FRAS1: variants seen among roughly 807,000 people sequenced by gnomAD.
FRAS1 encodes Fraser extracellular matrix complex subunit 1.
A neutral mutation model predicts 435.2 loss-of-function variants in FRAS1; 290 were observed. The observed-to-expected ratio is 0.67, with a 90% CI of 0.61 to 0.73. The LOEUF (loss-of-function observed/expected upper bound fraction) is 0.73, where lower values mean the gene tolerates loss of function less well. Among genes scored for constraint, FRAS1 ranks in the 30% least tolerant of loss-of-function variants. The pLI is 0.00. For missense variants in FRAS1, 4,860 were observed against 5,001.5 expected (o/e 0.97, Z 0.85); for synonymous variants, 1,800 against 1,851.0 (o/e 0.97, Z 0.71).
intron 2 of FRAS1, among the ~76,000 whole-genome samples, chr4:78,125,978 G>C (rs959405632): frequency 3.9e-5 from 6 of 152,172 alleles, no homozygotes; most frequent in African/African-American, 9.7e-5. Context: ...GATATGCCCT[G>C]CCCCCAGAGG....
intron 2 of FRAS1, among the ~76,000 whole-genome samples, chr4:78,193,480 G>T (rs1722647421): frequency 6.6e-6 from 1 of 152,172 alleles, no homozygotes; most frequent in Non-Finnish European, 1.5e-5. Context: ...ATATATTTAG[G>T]ATAATTAGCT....
intron 43 of FRAS1, among the ~76,000 whole-genome samples, chr4:78,447,288 T>TA (rs3086830): frequency 0.014 from 1,517 of 108,992 alleles, 43 homozygotes; most frequent in African/African-American, 0.04. Flanking sequence ...GTTCCTTTTG[T>TA]AAAAAAAAAA....
chr4:78,302,758 T>G (rs544701059), intron 14 of FRAS1, among the ~76,000 whole-genome samples: 5 of 152,210 alleles, frequency 3.3e-5, no homozygotes, highest in Non-Finnish European at 7.3e-5. Flanking sequence ...TGGATATTAG[T>G]CCTTTGTCAG....
rs188058683 is a variant in FRAS1, at chr4:78,194,212, C to T, written c.109-43298C>T. Among the ~76,000 whole-genome samples the T allele has an allele frequency of 8.8e-3, 1,334 of 152,288 alleles. 18 individuals are homozygous for T. The highest frequency in any genetic ancestry group is 0.03 in the African/African-American group (1,231 of 41,546). On this transcript the variant is annotated intron_variant, in intron 2 of 73. Transcript: ENST00000512123. ...CTCTGGCTGCCCTTAAGATTTTTTCCTTCATTTCAACTTTGGTGAATCTGA... is the reference window on the plus strand; with the variant it reads ...CTCTGGCTGCCCTTAAGATTTTTTCTTTCATTTCAACTTTGGTGAATCTGA...
intron 2 of FRAS1, among the ~76,000 whole-genome samples, chr4:78,227,351 A>G (rs1724317872): frequency 6.6e-6 from 1 of 152,226 alleles, no homozygotes; most frequent in Admixed American, 6.5e-5. Flanking sequence ...ACCCCTATTC[A>G]TTAAATGCTA....
At chr4:78,337,377 A>T (rs1274039864) in intron 19 of FRAS1, among the ~76,000 whole-genome samples, 5 of 151,966 alleles carry the variant, frequency 3.3e-5, no homozygotes, top group African/African-American at 1.2e-4. Context: ...TATGATTTGA[A>T]CTTCCTTACT....
intron 2 of FRAS1, chr4:78,181,862 T>C (rs1348915097): frequency 1.2e-6 from 2 of 1,611,974 alleles, no homozygotes; most frequent in African/African-American, 1.3e-5. Flanking sequence ...CGCGTTGGAG[T>C]TGGTCTGGGC....
intron 3 of FRAS1, among the ~76,000 whole-genome samples, chr4:78,242,659 C>A (rs1725056410): frequency 6.6e-6 from 1 of 152,244 alleles, no homozygotes; most frequent in African/African-American, 2.4e-5. Context: ...TGGTCTCTAA[C>A]TCCTGACCTC....
At chr4:78,521,439 G>T in intron 67 of FRAS1, 84 bp from the exon 68 acceptor site, 1 of 779,260 alleles carries the variant, frequency 1.3e-6, no homozygotes, top group South Asian at 1.6e-5. Context: ...ATACTTGGAG[G>T]TGTCCTTGGG....
chr4:78,430,950 A>T (rs1022307794), intron 37 of FRAS1, among the ~76,000 whole-genome samples: 1 of 152,242 alleles, frequency 6.6e-6, no homozygotes, highest in Non-Finnish European at 1.5e-5. Flanking sequence ...TGATTATAAA[A>T]AATAATATAT....
intron 2 of FRAS1, among the ~76,000 whole-genome samples, chr4:78,189,417 C>T (rs1441673345): frequency 6.6e-6 from 1 of 152,188 alleles, no homozygotes; most frequent in African/African-American, 2.4e-5. Context: ...TTTCGTTGAA[C>T]TTCCCTGTGT....
At chr4:78,216,633 AC>A (rs1723780536) in intron 2 of FRAS1, among the ~76,000 whole-genome samples, 1 of 152,182 alleles carries the variant, frequency 6.6e-6, no homozygotes, top group African/African-American at 2.4e-5. Context: ...TCAGCAGTAA[AC>A]CGTTCTTACT....
intron 41 of FRAS1, among the ~76,000 whole-genome samples, chr4:78,443,322 C>T (rs1269848056): frequency 1.3e-5 from 2 of 152,196 alleles, no homozygotes; most frequent in Admixed American, 1.3e-4. Context: ...TATGCCACTG[C>T]ACTCCAGCCT....
chr4:78,266,996 C>G, intron 8 of FRAS1, 61 bp downstream of exon 8: 1 of 1,202,320 alleles, frequency 8.3e-7, no homozygotes, highest in Non-Finnish European at 1.2e-6. Context: ...AAGGAATGCA[C>G]TTCTTATTCC....
chr4:78,470,986 C>G (rs1434901831), intron 51 of FRAS1, among the ~76,000 whole-genome samples: 1 of 152,118 alleles, frequency 6.6e-6, no homozygotes, highest in Non-Finnish European at 1.5e-5. Flanking sequence ...CAGGCAGAGG[C>G]TCAGCTAAAA....
chr4:78,440,579 G>GA (rs201958601), intron 40 of FRAS1, among the ~76,000 whole-genome samples: 12 of 151,476 alleles, frequency 7.9e-5, no homozygotes, highest in African/African-American at 1.2e-4. Flanking sequence ...AGCTCTAAAG[G>GA]AAAAAAAATT....
chr4:78,276,904 C>A (rs1727071373), intron 9 of FRAS1, among the ~76,000 whole-genome samples: 1 of 152,216 alleles, frequency 6.6e-6, no homozygotes, highest in Non-Finnish European at 1.5e-5. Flanking sequence ...CTATGCCCTG[C>A]CCCCAGAGGT....
intron 11 of FRAS1, 89 bp downstream of exon 11, chr4:78,281,522 C>A (rs1206067130): frequency 2.5e-6 from 2 of 786,224 alleles, no homozygotes; most frequent in East Asian, 3.1e-5. Context: ...AAACTTAGGA[C>A]CTTAGTATTT....
At chr4:78,315,449 G>A in intron 15 of FRAS1, 145 bp from the exon 16 acceptor site, 1 of 786,790 alleles carries the variant, frequency 1.3e-6, no homozygotes, top group Non-Finnish European at 2.0e-6. Flanking sequence ...ATGAAATGTT[G>A]GAATCAAGGA....
Sources: gnomAD v4.1 joint callset for allele counts (sites outside exome capture counted in the v4.1 genomes callset) on GRCh38, gnomAD v4.1.1 for gene constraint, MANE v1.5 for transcripts, NCBI Gene and HGNC (gene_info 2026-07-23, HGNC 2026-07-21) for gene names.